Variants in PEAK1 observed in about 807,000 individuals in gnomAD.
PEAK1 encodes the protein inactive tyrosine-protein kinase PEAK1.
In PEAK1, 54 loss-of-function variants were observed where a neutral mutation model predicts 124.7. The ratio of observed to expected loss-of-function variants is 0.43; its 90% CI spans 0.35 to 0.54. The LOEUF (loss-of-function observed/expected upper bound fraction) is 0.54. Among genes scored for constraint, PEAK1 ranks in the 20% least tolerant of loss-of-function variants. The pLI, the probability that PEAK1 is intolerant of heterozygous loss-of-function variation, is 0.01. For synonymous variants in PEAK1, 719 were observed against 760.0 expected, an observed-to-expected ratio of 0.95 and a Z score of 0.89; for missense variants, 2,046 against 2,134.5, an observed-to-expected ratio of 0.96 and a Z score of 0.82.
At chr15:77,380,216 C>T (rs2069363899) in intron 1 of PEAK1, among the ~76,000 whole-genome samples, 1 of 152,106 alleles carries the variant, frequency 6.6e-6, no homozygotes, top group Admixed American at 6.6e-5. Context: ...ATAGCATGAC[C>T]TGCCCTGGTA....
exon 7 of PEAK1, chr15:77,102,253 T>C (rs1423562810): frequency 6.6e-6 from 1 of 152,240 alleles, no homozygotes; most frequent in Non-Finnish European, 1.5e-5. Flanking sequence ...CATCTATTAG[T>C]GTTTTATGTT....
At chr15:77,259,526 A>G (rs1036298182) in intron 5 of PEAK1, among the ~76,000 whole-genome samples, 6 of 152,188 alleles carry the variant, frequency 3.9e-5, no homozygotes, top group African/African-American at 1.4e-4. Context: ...AAGTACATCA[A>G]TGGATAAGTG....
In PEAK1 at chr15:77,181,057, T is replaced by C. The variant is rs924834145; in HGVS notation, c.870A>G (p.Lys290=). 7.4e-6 allele frequency: 12 copies of C among 1,614,184 alleles called. No individual in the cohort carries two copies. Among genetic ancestry groups the C allele is most frequent in the Non-Finnish European group, 1.0e-5 (12 of 1,180,008 alleles). Residue 290 remains lysine (K), a synonymous_variant, in exon 7 of 10, where the codon AAA becomes AAG. Transcript: ENST00000682557. The part of the protein sequence containing the change: ...LSPVRFFVDK[K]WNTIPLRNKS... Reference sequence around the variant, plus strand: ...TGTTTCGCAGGGGGATGGTATTCCATTTTTTGTCCACAAAGAATCGAACAG... The same window carrying C: ...TGTTTCGCAGGGGGATGGTATTCCACTTTTTGTCCACAAAGAATCGAACAG...
intron 2 of PEAK1, among the ~76,000 whole-genome samples, chr15:77,317,266 T>C (rs1029320213): frequency 5.9e-5 from 9 of 152,172 alleles, no homozygotes; most frequent in Non-Finnish European, 8.8e-5. Flanking sequence ...CATGTTTCAA[T>C]TTTTATTAAG....
intron 5 of PEAK1, among the ~76,000 whole-genome samples, chr15:77,266,369 A>G (rs1328247625): frequency 6.6e-6 from 1 of 152,142 alleles, no homozygotes; most frequent in East Asian, 1.9e-4. Context: ...CCTAGTACGA[A>G]GCTGAAACTC....
chr15:77,363,201 G>A (rs888295466), intron 2 of PEAK1, among the ~76,000 whole-genome samples: 1 of 152,102 alleles, frequency 6.6e-6, no homozygotes, highest in African/African-American at 2.4e-5. Context: ...TTACCTGGCA[G>A]GCTTCACAGG....
chr15:77,231,670 T>G (rs2059915073), intron 6 of PEAK1, among the ~76,000 whole-genome samples: 1 of 152,158 alleles, frequency 6.6e-6, no homozygotes, highest in Non-Finnish European at 1.5e-5. Flanking sequence ...TAAATATAGA[T>G]TCAAACCTCC....
intron 6 of PEAK1, among the ~76,000 whole-genome samples, chr15:77,214,912 A>T (rs1316628291): frequency 6.6e-6 from 1 of 152,162 alleles, no homozygotes; most frequent in African/African-American, 2.4e-5. Flanking sequence ...TAACACTGGG[A>T]ATTACAATTC....
chr15:77,282,794 A>C lies in PEAK1; in HGVS notation c.-275+1089T>G, dbSNP rs2062737749. 2.6e-5 allele frequency among the ~76,000 whole-genome samples: 4 copies of C among 152,190 alleles called. No individual in the cohort carries two copies. In the South Asian group the frequency reaches 8.3e-4, roughly 31 times the overall value. Reference sequence around the variant, plus strand: ...ATCATATTATAATAGGTAAAATTTAATGAAACTGTGTTAGGAGTTTGAAGT... The same window carrying C: ...ATCATATTATAATAGGTAAAATTTACTGAAACTGTGTTAGGAGTTTGAAGT... On this transcript the variant is annotated intron_variant, in intron 5 of 9. Coordinates refer to ENST00000682557, the MANE Select transcript of PEAK1 (RefSeq NM_001385026.1).
chr15:77,154,301 T>C (rs2054925074), intron 8 of PEAK1, among the ~76,000 whole-genome samples: 1 of 152,224 alleles, frequency 6.6e-6, no homozygotes, highest in East Asian at 1.9e-4. Flanking sequence ...GAGACTAGGA[T>C]TGCAACCCCT....
chr15:77,234,458 T>C (rs1027660528), intron 6 of PEAK1, among the ~76,000 whole-genome samples: 18 of 152,284 alleles, frequency 1.2e-4, no homozygotes, highest in Admixed American at 1.0e-3. Flanking sequence ...AATAATTTAA[T>C]TTTTATAAAA....
chr15:77,419,242 T>C (rs1567380673), intron 1 of PEAK1: 12 of 985,168 alleles, frequency 1.2e-5, no homozygotes, highest in South Asian at 4.7e-5. Context: ...CAGCAATCTT[T>C]AACGTAGCCA....
intron 6 of PEAK1, among the ~76,000 whole-genome samples, chr15:77,223,888 T>C (rs1467104981): frequency 1.5e-5 from 1 of 66,438 alleles, no homozygotes; most frequent in Admixed American, 1.3e-4. Flanking sequence ...TTTGAGAGAT[T>C]TTTTTTTTTT....
exon 7 of PEAK1, chr15:77,102,617 G>A (rs2050705337): frequency 6.6e-6 from 1 of 152,240 alleles, no homozygotes; most frequent in African/African-American, 2.4e-5. Context: ...CTAACCAATT[G>A]TACCAGCACA....
rs112257971 is a variant in PEAK1, at chr15:77,161,699, G to A, written c.3138-3003C>T. Among the ~76,000 whole-genome samples, 501 of 152,264 alleles carry A rather than the reference G, an allele frequency of 3.3e-3. 5 individuals carry two copies. Among genetic ancestry groups the A allele is most frequent in the African/African-American group, 0.012 (483 of 41,538 alleles). Reference sequence around the variant, plus strand: ...ATTAAAATGATAAAAGAGGCCAGGCGCAGTGGCTCATGCCTGTAATCCCAG... The same window carrying A: ...ATTAAAATGATAAAAGAGGCCAGGCACAGTGGCTCATGCCTGTAATCCCAG... On this transcript the variant is annotated intron_variant, in intron 7 of 9. Transcript: ENST00000682557.
chr15:77,163,072 A>ATATC (rs1420917492), intron 7 of PEAK1, among the ~76,000 whole-genome samples: 1 of 152,218 alleles, frequency 6.6e-6, no homozygotes, highest in Non-Finnish European at 1.5e-5. Context: ...TATGGTGTTG[A>ATATC]TATCTAGGTC....
chr15:77,246,355 A>G (rs775094107), intron 6 of PEAK1, among the ~76,000 whole-genome samples: 3 of 151,994 alleles, frequency 2.0e-5, no homozygotes, highest in African/African-American at 4.8e-5. Context: ...GAACAATTTG[A>G]GAGAGCTGAC....
In PEAK1 at chr15:77,211,744, A is replaced by G. The variant is rs2058915751; in HGVS notation, c.-114-29704T>C. Among the ~76,000 whole-genome samples the G allele has an allele frequency of 2.7e-5, 4 of 149,516 alleles. No homozygotes were observed. In the South Asian group the frequency reaches 8.6e-4, roughly 32 times the overall value. ...GCACCTGTAATCTCAGCTACTCAGGAGGCTGAGGCAGGAGAATTATTTGAA... is the reference window on the plus strand; with the variant it reads ...GCACCTGTAATCTCAGCTACTCAGGGGGCTGAGGCAGGAGAATTATTTGAA... On this transcript the variant is annotated intron_variant, in intron 6 of 9. Transcript: ENST00000682557.
chr15:77,388,823 T>C (rs2070188639), intron 1 of PEAK1, among the ~76,000 whole-genome samples: 1 of 151,024 alleles, frequency 6.6e-6, no homozygotes, highest in African/African-American at 2.4e-5. Flanking sequence ...AAAAAAATAC[T>C]CCATCAAACA....
Sources: gnomAD v4.1 joint callset for allele counts (sites outside exome capture counted in the v4.1 genomes callset) on GRCh38, gnomAD v4.1.1 for gene constraint, MANE v1.5 for transcripts, NCBI Gene and HGNC (gene_info 2026-07-23, HGNC 2026-07-21) for gene names.